OAS2: variants seen among roughly 807,000 people sequenced by gnomAD.
The protein encoded by OAS2 is 2'-5'-oligoadenylate synthetase 2, also known as 2'-5'-oligoadenylate synthase 2.
In OAS2, 67 loss-of-function variants were observed where a neutral mutation model predicts 71.3. That is an observed-to-expected ratio of 0.94 (90% confidence interval 0.77 to 1.15). OAS2 has a LOEUF of 1.15. Ranked by LOEUF, OAS2 falls within the 50% of genes most tolerant of loss-of-function variation. OAS2 has a pLI of 0.00. For missense variants in OAS2, 789 were observed against 822.5 expected, an observed-to-expected ratio of 0.96 and a Z score of 0.50; for synonymous variants, 327 against 321.8, an observed-to-expected ratio of 1.02 and a Z score of -0.17.
At chr12:113,004,214 G>A (rs767800126) in intron 6 of OAS2, among the ~76,000 whole-genome samples, 24 of 152,164 alleles carry the variant, frequency 1.6e-4, no homozygotes, top group Non-Finnish European at 2.9e-4. Flanking sequence ...GACAAAGGTG[G>A]CCTGCATGAA....
intron 1 of OAS2, among the ~76,000 whole-genome samples, chr12:112,983,650 G>A (rs2136376185): frequency 6.6e-6 from 1 of 152,212 alleles, no homozygotes; most frequent in East Asian, 1.9e-4. Context: ...GGTATGTTGT[G>A]TTTCCATTTT....
intron 2 of OAS2, among the ~76,000 whole-genome samples, chr12:112,993,761 C>G (rs182831820): frequency 6.6e-6 from 1 of 151,668 alleles, no homozygotes; most frequent in Non-Finnish European, 1.5e-5. Flanking sequence ...CCCAGGTACT[C>G]AGAAGGCTGA....
At chr12:112,997,843 T>C (rs2136387797) in intron 4 of OAS2, 88 bp downstream of exon 4, 1 of 1,104,204 alleles carries the variant, frequency 9.1e-7, no homozygotes, top group Non-Finnish European at 1.3e-6. Context: ...CCTTGCCCTA[T>C]CAAGCCAGTG....
chr12:112,982,870 C>T (rs1254314883), intron 1 of OAS2, among the ~76,000 whole-genome samples: 1 of 152,112 alleles, frequency 6.6e-6, no homozygotes, highest in African/African-American at 2.4e-5. Flanking sequence ...TTGGTCTGTT[C>T]AGGTTTTCTG....
chr12:112,984,378 T>C (rs1020836796), intron 1 of OAS2, among the ~76,000 whole-genome samples: 1 of 152,224 alleles, frequency 6.6e-6, no homozygotes, highest in Non-Finnish European at 1.5e-5. Flanking sequence ...CTGATATAAG[T>C]ATAGCTACTC....
chr12:113,002,028 C>G (rs1026392479), intron 5 of OAS2, among the ~76,000 whole-genome samples: 17 of 151,988 alleles, frequency 1.1e-4, no homozygotes, highest in Non-Finnish European at 1.3e-4. Flanking sequence ...GAGCGAGACA[C>G]TATTTCTGAA....
rs561212951 is a variant in OAS2 at position 112,998,295 on chromosome 12, C to T, written c.893C>T (p.Thr298Ile). Residue 298 changes from threonine to isoleucine, a missense_variant, in exon 5 of 10, where the codon ACC (threonine) becomes ATC (isoleucine). By Grantham distance (89) the Thr-to-Ile change is moderately conservative (BLOSUM62 -1). Coordinates refer to ENST00000392583, the MANE Select transcript of OAS2 (RefSeq NM_002535.3). The stretch of plus-strand genomic sequence containing the variant: ...GTAATCTTGGATCCAGTTGACCCAA[C>T]CAATAATGTGAGTGGAGATAAAATA... ...RPVILDPVDP[T>I]NNVSGDKICW... 2.5e-6 allele frequency: 4 copies of T among 1,612,650 alleles called. No individual in the cohort carries two copies. In the South Asian group the frequency reaches 4.4e-5, roughly 18 times the overall value.
At chr12:112,992,946 T>C (rs2044204209) in intron 2 of OAS2, among the ~76,000 whole-genome samples, 1 of 152,148 alleles carries the variant, frequency 6.6e-6, no homozygotes. Flanking sequence ...TCTACTGGGT[T>C]CACCCCATCA....
intron 6 of OAS2, 106 bp from the exon 7 acceptor site, chr12:113,004,828 T>C (rs752682481): frequency 2.2e-5 from 25 of 1,111,414 alleles, no homozygotes; most frequent in Admixed American, 2.0e-4. Flanking sequence ...AACGCAGAAC[T>C]TGGCCTTGGA....
At chr12:112,992,930 G>T (rs2044204004) in intron 2 of OAS2, among the ~76,000 whole-genome samples, 1 of 152,126 alleles carries the variant, frequency 6.6e-6, no homozygotes, top group Non-Finnish European at 1.5e-5. Flanking sequence ...CCTGGCCAGA[G>T]CGCCCTCTAC....
In OAS2 at chr12:113,004,933, G is replaced by A. The variant is rs765113309; in HGVS notation, c.1180-1G>A. ...GATCTCAACCTTCCTTTCTTCCTTA[G>A]GGAGGATCAACCGCCAAAGGCACAG... is the stretch of plus-strand genomic sequence containing the variant. On this transcript the variant is annotated splice_acceptor_variant, in intron 6 of 9. Transcript: ENST00000392583. LOFTEE classifies it high-confidence loss of function. 1 of 1,613,704 alleles carries A rather than the reference G, an allele frequency of 6.2e-7. No individual in the cohort carries two copies. Among genetic ancestry groups the A allele is most frequent in the Admixed American group, 1.7e-5 (1 of 59,972 alleles).
chr12:113,007,422 T>G (rs977684275), intron 8 of OAS2, among the ~76,000 whole-genome samples: 1 of 152,168 alleles, frequency 6.6e-6, no homozygotes, highest in African/African-American at 2.4e-5. Context: ...AGGAATGATG[T>G]GGGTAAATGC....
At chr12:112,999,571 T>A (rs1389357348) in intron 5 of OAS2, among the ~76,000 whole-genome samples, 1 of 152,080 alleles carries the variant, frequency 6.6e-6, no homozygotes, top group Non-Finnish European at 1.5e-5. Flanking sequence ...TTCACAGAGG[T>A]TGGGGAGTCT....
chr12:112,978,760 TC>T lies in OAS2; in HGVS notation c.157del (p.Leu53TrpfsTer7). On this transcript the variant is annotated frameshift_variant, in exon 1 of 10. Coordinates refer to ENST00000392583, the MANE Select transcript of OAS2 (RefSeq NM_002535.3). LOFTEE classifies it high-confidence loss of function. The surrounding 1 kb of genome is among the most constrained non-coding windows in gnomAD (Gnocchi z 4.2). The part of the protein sequence containing the change: ...ICDVLQEPEQ[F>X]PLVQGVAIGG... ...GACGTCCTGCAGGAACCCGAACAGT[TC>T]CCCCTGGTGCAGGGAGTGGCCATAG... is the stretch of plus-strand genomic sequence containing the variant. The T allele has an allele frequency of 6.2e-7, 1 of 1,613,624 alleles. No homozygotes were observed. Among genetic ancestry groups the T allele is most frequent in the Non-Finnish European group, 8.5e-7 (1 of 1,179,806 alleles).
chr12:113,002,365 G>A (rs1291832225), intron 5 of OAS2, among the ~76,000 whole-genome samples: 1 of 152,234 alleles, frequency 6.6e-6, no homozygotes, highest in Non-Finnish European at 1.5e-5. Context: ...ACTTTGAACT[G>A]TTGGCCTCCA....
Position 113,010,259 on chromosome 12 carries a change from T to G in OAS2, c.*1004T>G, listed in dbSNP as rs1432362526. 1.4e-6 allele frequency: 2 copies of G among 1,480,046 alleles called. No homozygotes were observed. Among genetic ancestry groups the G allele is most frequent in the Non-Finnish European group, 1.8e-6 (2 of 1,122,708 alleles). The allele number at this position is 1,480,046 out of a possible 1,614,324, so 91.7% of individuals were successfully genotyped here. A position where few individuals can be genotyped will look rare whatever the true frequency, so the allele number is the denominator to read the frequency against. ...TATAAATAAATACCAAAAAATTGTC[T>G]CTGGCAATAGTTACCTTCCCAGATA... On this transcript the variant is annotated 3_prime_UTR_variant, in exon 10 of 10. Coordinates refer to ENST00000392583, the MANE Select transcript of OAS2 (RefSeq NM_002535.3).
chr12:113,003,126 C>A (rs778830527), intron 6 of OAS2, 24 bp downstream of exon 6: 2 of 1,611,906 alleles, frequency 1.2e-6, no homozygotes, highest in Non-Finnish European at 1.7e-6. Flanking sequence ...TTTCTCATGT[C>A]TTGTTGGAAT....
In OAS2 at chr12:113,003,043, C is replaced by T. The variant is rs142826885; in HGVS notation, c.1120C>T (p.Arg374Cys). ...GATTGACAGTGCTGTTAACATCATCCGTACATTCCTTAAAGAAAACTGCTT... is the reference window on the plus strand; with the variant it reads ...GATTGACAGTGCTGTTAACATCATCTGTACATTCCTTAAAGAAAACTGCTT... The part of the protein sequence containing the change: ...EQIDSAVNII[R>C]TFLKENCFRQ... The change falls in exon 6 of 10, where the codon CGT becomes TGT. Residue 374 changes from arginine (R) to cysteine (C), a missense_variant. Arg to Cys is a radical substitution (Grantham distance 180). Transcript: ENST00000392583. 3.6e-5 allele frequency: 58 copies of T among 1,614,108 alleles called. No individual in the cohort carries two copies. The highest frequency in any genetic ancestry group is 2.2e-4 in the Admixed American group (13 of 60,016).
At position 113,002,992 on chromosome 12, in the gene OAS2, C is replaced by T. The variant is rs2044302628; in HGVS notation, c.1069C>T (p.Gln357Ter). ...LLDKFIKEFL[Q>*]PNKCFLEQID... ...GGATAAGTTCATCAAGGAGTTTCTC[C>T]AGCCCAACAAATGCTTCCTAGAGCA... Residue 357 changes from glutamine (Q) to a stop codon, truncating the protein, a stop_gained, in exon 6 of 10, where the codon CAG becomes TAG. Transcript: ENST00000392583. LOFTEE classifies it high-confidence loss of function. 6.2e-7 allele frequency: 1 copy of T among 1,614,148 alleles called. No individual in the cohort carries two copies. Among genetic ancestry groups the T allele is most frequent in the Non-Finnish European group, 8.5e-7 (1 of 1,179,990 alleles).
Sources: allele counts gnomAD v4.1 joint callset (sites outside exome capture counted in the v4.1 genomes callset), GRCh38; gene constraint gnomAD v4.1.1; non-coding constraint Gnocchi (gnomAD v3.1); transcripts MANE v1.5; gene names NCBI Gene and HGNC (gene_info 2026-07-23, HGNC 2026-07-21).